SRP72: variants seen among roughly 807,000 people sequenced by gnomAD.
The protein encoded by SRP72 is signal recognition particle 72.
In SRP72, 49 loss-of-function variants were observed where a neutral mutation model predicts 96.3. The observed-to-expected ratio is 0.51, with a 90% confidence interval of 0.40 to 0.65. The LOEUF (loss-of-function observed/expected upper bound fraction) is 0.65, where lower values mean the gene tolerates loss of function less well. Ranked by LOEUF, SRP72 falls within the 30% of genes least tolerant of loss-of-function variation. The pLI is 0.00. For synonymous variants in SRP72, 267 were observed against 275.2 expected (o/e 0.97, Z 0.30); for missense variants, 736 against 793.3 (o/e 0.93, Z 0.87).
intron 18 of SRP72, 128 bp downstream of exon 18, chr4:56,500,823 A>C: frequency 2.2e-6 from 2 of 912,110 alleles, no homozygotes; most frequent in Non-Finnish European, 3.1e-6. Context: ...AAATGTTTAT[A>C]CTACACTTAT....
chr4:56,470,153 A>G (rs1217807406), intron 2 of SRP72, among the ~76,000 whole-genome samples: 1 of 152,132 alleles, frequency 6.6e-6, no homozygotes. Flanking sequence ...TTTGAAGCAT[A>G]TTAATGGGAT....
intron 16 of SRP72, among the ~76,000 whole-genome samples, chr4:56,495,006 T>C (rs958511644): frequency 6.6e-6 from 1 of 152,210 alleles, no homozygotes; most frequent in African/African-American, 2.4e-5. Flanking sequence ...TCTAAAGTCT[T>C]GCCAAACATA....
chr4:56,501,968 A>T lies in SRP72; in HGVS notation c.*107A>T. On this transcript the variant is annotated 3_prime_UTR_variant, in exon 19 of 19. Coordinates refer to ENST00000642900, the MANE Select transcript of SRP72 (RefSeq NM_006947.4). ...ACAGAACTACTCCCTCTTCATCTCC[A>T]TATTTTCATAATTTCTTGTGTTTCA... 1 of 1,152,724 alleles carries T rather than the reference A, an allele frequency of 8.7e-7. No homozygotes were observed. Among genetic ancestry groups the T allele is most frequent in the Admixed American group, 2.3e-5 (1 of 43,798 alleles). 71.4% of individuals were successfully genotyped at this position (1,152,724 alleles called of 1,614,324 possible).
At chr4:56,482,070 G>C (rs566950887) in intron 8 of SRP72, among the ~76,000 whole-genome samples, 1 of 150,528 alleles carries the variant, frequency 6.6e-6, no homozygotes, top group Non-Finnish European at 1.5e-5. Context: ...GGCCATGGTG[G>C]TATCATTTTT....
chr4:56,482,250 G>A (rs1156820185), intron 8 of SRP72, among the ~76,000 whole-genome samples: 1 of 149,810 alleles, frequency 6.7e-6, no homozygotes, highest in African/African-American at 2.5e-5. Context: ...GACCATCCTG[G>A]CTAACACGGT....
At chr4:56,501,285 G>A (rs892370578) in intron 18 of SRP72, among the ~76,000 whole-genome samples, 1 of 152,034 alleles carries the variant, frequency 6.6e-6, no homozygotes, top group African/African-American at 2.4e-5. Flanking sequence ...GTGCGCACCT[G>A]TAATCCCAGC....
intron 9 of SRP72, 36 bp downstream of exon 9, chr4:56,483,306 T>C (rs1226073213): frequency 1.3e-6 from 2 of 1,597,498 alleles, no homozygotes; most frequent in Non-Finnish European, 1.7e-6. Context: ...GCTAAACCTT[T>C]TGTAATATGG....
chr4:56,486,890 T>G (rs578153593), intron 11 of SRP72, among the ~76,000 whole-genome samples: 4 of 152,220 alleles, frequency 2.6e-5, no homozygotes, highest in Non-Finnish European at 4.4e-5. Flanking sequence ...AAACTGCCAA[T>G]GTTTTTGTCT....
chr4:56,471,873 A>G, intron 3 of SRP72, 30 bp downstream of exon 3: 1 of 1,610,784 alleles, frequency 6.2e-7, no homozygotes, highest in Non-Finnish European at 8.5e-7. Flanking sequence ...ACATGTTGAC[A>G]GTGATACTGA....
At position 56,467,634 on chromosome 4, in the gene SRP72, A is replaced by T. The variant is rs1719781799; in HGVS notation, c.-2A>T. The T allele has an allele frequency of 7.1e-6, 11 of 1,557,788 alleles. No individual in the cohort carries two copies. Among genetic ancestry groups the T allele is most frequent in the Non-Finnish European group, 9.5e-6 (11 of 1,153,430 alleles). ...CCCGCCCCGCCCCTCGTCTCCTCCAAGATGGCGAGCGGCGGCAGCGGGGGG... is the reference window on the plus strand; with the variant it reads ...CCCGCCCCGCCCCTCGTCTCCTCCATGATGGCGAGCGGCGGCAGCGGGGGG... On this transcript the variant is annotated 5_prime_UTR_variant, in exon 1 of 19. It adds an upstream start codon to the 5' untranslated region. Coordinates refer to ENST00000642900, the MANE Select transcript of SRP72 (RefSeq NM_006947.4).
rs535149671 is a variant in SRP72 at position 56,493,283 on chromosome 4, G to A, written c.1640+1715G>A. Among the ~76,000 whole-genome samples, 31 of 151,986 alleles carry A rather than the reference G, an allele frequency of 2.0e-4. No homozygotes were observed. In the South Asian group the frequency reaches 5.8e-3, roughly 29 times the overall value. On this transcript the variant is annotated intron_variant, in intron 16 of 18. Coordinates refer to ENST00000642900, the MANE Select transcript of SRP72 (RefSeq NM_006947.4). ...ACTCCTGACCTCAGGTGATCCACCC[G>A]CCTCAGCCTCCCAAAGTGCTGGGAT...
intron 17 of SRP72, among the ~76,000 whole-genome samples, chr4:56,496,245 T>A (rs548519259): frequency 6.6e-6 from 1 of 152,358 alleles, no homozygotes; most frequent in African/African-American, 2.4e-5. Flanking sequence ...CTCTGCCGTC[T>A]TAGGATACAG....
At position 56,487,913 on chromosome 4, in the gene SRP72, C is replaced by A. The variant is rs373970840; in HGVS notation, c.1160-36C>A. 29 of 1,487,898 alleles carry A rather than the reference C, an allele frequency of 1.9e-5. No homozygotes were observed. The African/African-American group carries it at 3.4e-4, about 18-fold the overall frequency. 92.2% of individuals were successfully genotyped at this position (1,487,898 alleles called of 1,614,324 possible). A position where few individuals can be genotyped will look rare whatever the true frequency, so the allele number is the denominator to read the frequency against. ...GTATTTTTTTTTCATAATATGTGTT[C>A]TTCTATGTAATGCTGATTTTGTTTA... is the stretch of plus-strand genomic sequence containing the variant. On this transcript the variant is annotated intron_variant, in intron 11 of 18. Transcript: ENST00000642900.
chr4:56,472,796 A>C (rs1720031544), intron 3 of SRP72, among the ~76,000 whole-genome samples: 1 of 152,220 alleles, frequency 6.6e-6, no homozygotes, highest in African/African-American at 2.4e-5. Context: ...AAAAACTTTT[A>C]AGGTAAACTG....
intron 5 of SRP72, 179 bp from the exon 6 acceptor site, chr4:56,476,492 G>A: frequency 1.6e-6 from 1 of 620,632 alleles, no homozygotes; most frequent in Non-Finnish European, 2.7e-6. Context: ...AGCTGGGAAA[G>A]TCAAGAGACT....
chr4:56,490,581 G>T lies in SRP72; in HGVS notation c.1438G>T (p.Asp480Tyr). 3.7e-6 allele frequency: 6 copies of T among 1,613,682 alleles called. No homozygotes were observed. Among genetic ancestry groups the T allele is most frequent in the Non-Finnish European group, 5.1e-6 (6 of 1,179,866 alleles). Residue 480 changes from aspartate to tyrosine, a missense_variant, in exon 15 of 19, where the codon GAT becomes TAT. Coordinates refer to ENST00000642900, the MANE Select transcript of SRP72 (RefSeq NM_006947.4). ...TTCTTCTTTTAGACAAAATCCAAAA[G>T]ATATTCACACCCTGGCACAGCTTAT... Reference protein sequence around the residue: ...LQQLWKQNPKDIHTLAQLISA... With the variant: ...LQQLWKQNPKYIHTLAQLISA...
chr4:56,479,144 G>T (rs940763056), intron 8 of SRP72, among the ~76,000 whole-genome samples: 5 of 151,886 alleles, frequency 3.3e-5, no homozygotes, highest in African/African-American at 1.2e-4. Context: ...TTAGAGTACT[G>T]TACTAATGTC....
intron 8 of SRP72, 77 bp downstream of exon 8, chr4:56,478,726 A>G: frequency 6.9e-7 from 1 of 1,439,326 alleles, no homozygotes; most frequent in Non-Finnish European, 9.5e-7. Context: ...TTGTTCTAGG[A>G]TAGCCTAAGT....
intron 6 of SRP72, among the ~76,000 whole-genome samples, chr4:56,478,135 T>TA (rs2110117069): frequency 6.6e-6 from 1 of 151,684 alleles, no homozygotes; most frequent in South Asian, 2.1e-4. Flanking sequence ...CATGTTCTTC[T>TA]AGGATCTTTT....
Sources: gnomAD v4.1 joint callset for allele counts (sites outside exome capture counted in the v4.1 genomes callset) on GRCh38, gnomAD v4.1.1 for gene constraint, MANE v1.5 for transcripts, NCBI Gene and HGNC (gene_info 2026-07-23, HGNC 2026-07-21) for gene names.